HTR3A: variants seen among roughly 807,000 people sequenced by gnomAD.
The protein encoded by HTR3A is 5-hydroxytryptamine (serotonin) receptor 3A, ionotropic.
In HTR3A, 45 loss-of-function variants were observed where a neutral mutation model predicts 54.8. That is an observed-to-expected ratio of 0.82 (90% CI 0.65 to 1.05). The LOEUF (loss-of-function observed/expected upper bound fraction) is 1.05, where lower values mean the gene tolerates loss of function less well. Ranked by LOEUF, HTR3A falls within the 50% of genes least tolerant of loss-of-function variation. The pLI, the probability that HTR3A is intolerant of heterozygous loss-of-function variation, is 0.00. For synonymous variants in HTR3A, 297 were observed against 256.0 expected (o/e 1.16, Z -1.53); for missense variants, 657 against 614.0 (o/e 1.07, Z -0.74).
In HTR3A at chr11:113,989,407, A is replaced by G. The variant is rs1195354113; in HGVS notation, c.1139-58A>G. On this transcript the variant is annotated intron_variant, in intron 8 of 8. Transcript: ENST00000504030. The surrounding 1 kb of genome is among the most constrained non-coding windows in gnomAD (Gnocchi z 4.4). The stretch of plus-strand genomic sequence containing the variant: ...ACAGGCTATAGAAGCATAAGGAACC[A>G]TGTTCAGGTCACCACCCGGGGTCTC... 2 of 1,590,924 alleles carry G rather than the reference A, an allele frequency of 1.3e-6. No individual in the cohort carries two copies. Among genetic ancestry groups the G allele is most frequent in the Non-Finnish European group, 1.7e-6 (2 of 1,160,488 alleles).
At position 113,989,833 on chromosome 11, in the gene HTR3A, C is replaced by A. The variant is rs62625042; in HGVS notation, c.*70C>A. 5.0e-4 allele frequency: 756 copies of A among 1,517,308 alleles called. 1 individual carries two copies. Among genetic ancestry groups the A allele is most frequent in the Non-Finnish European group, 6.5e-4 (714 of 1,105,008 alleles). 94.0% of individuals were successfully genotyped at this position (1,517,308 alleles called of 1,614,324 possible). ...GGGGACAGAGGATTTCTGCTTAGGCCCCTCAGGACCCAGGGAATGCCAGGG... is the reference window on the plus strand; with the variant it reads ...GGGGACAGAGGATTTCTGCTTAGGCACCTCAGGACCCAGGGAATGCCAGGG... On this transcript the variant is annotated 3_prime_UTR_variant, in exon 9 of 9. Transcript: ENST00000504030. This position sits in a 1 kb window ranked among gnomAD's most constrained non-coding sequence, Gnocchi z 4.4.
chr11:113,983,881 G>A (rs887725995), intron 5 of HTR3A, among the ~76,000 whole-genome samples: 1 of 152,096 alleles, frequency 6.6e-6, no homozygotes, highest in Non-Finnish European at 1.5e-5. Flanking sequence ...AGTAAAATGC[G>A]AATCTGACCG....
chr11:113,986,118 C>T lies in HTR3A; in HGVS notation c.648C>T (p.Pro216=). ...AGTGGGAGTTGCTGGGGGTGCTGCC[C>T]TACTTTCGGGAGTTCAGCATGGAAA... is the stretch of plus-strand genomic sequence containing the variant. ...QGEWELLGVL[P]YFREFSMESS... The change falls in exon 6 of 9, where the codon CCC becomes CCT. Residue 216 remains proline, a synonymous_variant. Coordinates refer to ENST00000504030, the MANE Select transcript of HTR3A (RefSeq NM_000869.6). The T allele has an allele frequency of 1.2e-6, 2 of 1,614,132 alleles. No individual in the cohort carries two copies. The highest frequency in any genetic ancestry group is 1.7e-6 in the Non-Finnish European group (2 of 1,180,044).
At chr11:113,976,604 TGTGTGTG>T (rs776463773) in intron 1 of HTR3A, among the ~76,000 whole-genome samples, 23 of 147,944 alleles carry the variant, frequency 1.6e-4, no homozygotes, top group Non-Finnish European at 3.0e-4. Context: ...TGTGTGTGTG[TGTGTGTG>T]TGTTCTCTCT....
chr11:113,988,347 A>G (rs1020906320), intron 8 of HTR3A, among the ~76,000 whole-genome samples: 2 of 152,246 alleles, frequency 1.3e-5, no homozygotes, highest in African/African-American at 4.8e-5. Flanking sequence ...ATAGAGCAGA[A>G]GTAGCAGTGG....
intron 4 of HTR3A, among the ~76,000 whole-genome samples, chr11:113,982,500 G>A (rs766133169): frequency 7.2e-5 from 11 of 152,198 alleles, no homozygotes; most frequent in Non-Finnish European, 2.9e-5. Context: ...AGAAGGCTGA[G>A]GGCTCAGCCT....
In HTR3A at chr11:113,978,263, A is replaced by G. The variant is rs544219221; in HGVS notation, c.219+341A>G. Among the ~76,000 whole-genome samples, 6 of 152,296 alleles carry G rather than the reference A, an allele frequency of 3.9e-5. No individual in the cohort carries two copies. The South Asian group carries it at 1.2e-3, about 32-fold the overall frequency. On this transcript the variant is annotated intron_variant, in intron 2 of 8. Transcript: ENST00000504030. ...TCTCTATGCTCCCAGTGCCTTACACACATCCCTGGTACCTGGCAGGTGTCA... is the reference window on the plus strand; with the variant it reads ...TCTCTATGCTCCCAGTGCCTTACACGCATCCCTGGTACCTGGCAGGTGTCA...
chr11:113,975,245 T>A lies in HTR3A; in HGVS notation c.-81T>A, dbSNP rs1351464646. On this transcript the variant is annotated 5_prime_UTR_variant, in exon 1 of 9. It adds an upstream start codon to the 5' untranslated region. Coordinates refer to ENST00000504030, the MANE Select transcript of HTR3A (RefSeq NM_000869.6). ...GAGGCAGGCTGGCTGGGACATGAGG[T>A]TGGCAGAGGGCAGGCAAGCTGGCCC... 8.0e-6 allele frequency: 11 copies of A among 1,383,332 alleles called. No homozygotes were observed. Among genetic ancestry groups the A allele is most frequent in the Admixed American group, 3.6e-5 (2 of 54,956 alleles). The allele number at this position is 1,383,332 out of a possible 1,614,324, so 85.7% of individuals were successfully genotyped here.
rs994610405 is a variant in HTR3A, at chr11:113,977,768, C to T, written c.68-3C>T. ...GTCTACTTTGAACTGTTCTCCTTCC[C>T]AGCCAGGAGGAGCCGAAACACCACC... On this transcript the variant is annotated splice_region_variant and splice_polypyrimidine_tract_variant and intron_variant, in intron 1 of 8. Coordinates refer to ENST00000504030, the MANE Select transcript of HTR3A (RefSeq NM_000869.6). 1.9e-6 allele frequency: 3 copies of T among 1,613,992 alleles called. No individual in the cohort carries two copies. The highest frequency in any genetic ancestry group is 2.5e-6 in the Non-Finnish European group (3 of 1,179,964).
At chr11:113,982,115 C>T (rs1467497293) in intron 4 of HTR3A, among the ~76,000 whole-genome samples, 1 of 152,194 alleles carries the variant, frequency 6.6e-6, no homozygotes, top group Non-Finnish European at 1.5e-5. Context: ...GTGGGTTCCA[C>T]CAGGCTTTAC....
chr11:113,989,964 A>G lies in HTR3A; in HGVS notation c.*201A>G, dbSNP rs1474774695. The G allele has an allele frequency of 1.4e-6, 1 of 713,964 alleles. No homozygotes were observed. The highest frequency in any genetic ancestry group is 1.5e-5 in the South Asian group (1 of 67,074). The allele number at this position is 713,964 out of a possible 1,614,324, so 44.2% of individuals were successfully genotyped here. A position where few individuals can be genotyped will look rare whatever the true frequency, so the allele number is the denominator to read the frequency against. ...CCCTTCCACCAAAAACTGGGTGTTC[A>G]AGGCCCTTACACCCTTGTCCCACCC... On this transcript the variant is annotated 3_prime_UTR_variant, in exon 9 of 9. Transcript: ENST00000504030. The surrounding 1 kb of genome is among the most constrained non-coding windows in gnomAD (Gnocchi z 4.4).
chr11:113,988,968 G>T (rs532907635), intron 8 of HTR3A, among the ~76,000 whole-genome samples: 1 of 152,166 alleles, frequency 6.6e-6, no homozygotes, highest in African/African-American at 2.4e-5. Flanking sequence ...TGTGTGTAAG[G>T]AGGGGTATAC....
At chr11:113,981,374 CAG>C in intron 4 of HTR3A, 62 bp downstream of exon 4, 1 of 975,482 alleles carries the variant, frequency 1.0e-6, no homozygotes, top group Non-Finnish European at 1.7e-6. Flanking sequence ...AGCCCGGGGA[CAG>C]AGAGACAAGA....
Position 113,975,286 on chromosome 11 carries a change from C to T in HTR3A, c.-40C>T, listed in dbSNP as rs1454919653. On this transcript the variant is annotated 5_prime_UTR_variant, in exon 1 of 9. Coordinates refer to ENST00000504030, the MANE Select transcript of HTR3A (RefSeq NM_000869.6). ...AAGCTGGCCCTTGGTGGGCCTCGTC[C>T]TGAGCACTCGGAGGCACTCCTATGC... 3.7e-6 allele frequency: 6 copies of T among 1,610,452 alleles called. No individual in the cohort carries two copies. The highest frequency in any genetic ancestry group is 5.1e-6 in the Non-Finnish European group (6 of 1,178,310).
At chr11:113,983,984 T>G (rs946252235) in intron 5 of HTR3A, among the ~76,000 whole-genome samples, 1 of 152,214 alleles carries the variant, frequency 6.6e-6, no homozygotes, top group African/African-American at 2.4e-5. Flanking sequence ...TCCAGGCTCA[T>G]CTGCTCCTCT....
intron 3 of HTR3A, among the ~76,000 whole-genome samples, chr11:113,979,945 C>T (rs1263959525): frequency 6.6e-6 from 1 of 152,168 alleles, no homozygotes; most frequent in East Asian, 1.9e-4. Context: ...GCCCAAGAGG[C>T]TCTGGGGACA....
In HTR3A at chr11:113,989,380, T is replaced by C; in HGVS notation, c.1139-85T>C. Reference sequence around the variant, plus strand: ...AAAAAAAGTTATTCCCAACAAAAATTTACAGGCTATAGAAGCATAAGGAAC... The same window carrying C: ...AAAAAAAGTTATTCCCAACAAAAATCTACAGGCTATAGAAGCATAAGGAAC... On this transcript the variant is annotated intron_variant, in intron 8 of 8. Transcript: ENST00000504030. The surrounding 1 kb of genome is among the most constrained non-coding windows in gnomAD (Gnocchi z 4.4). 1 of 1,500,662 alleles carries C rather than the reference T, an allele frequency of 6.7e-7. No homozygotes were observed. The highest frequency in any genetic ancestry group is 1.4e-5 in the African/African-American group (1 of 72,644). The allele number at this position is 1,500,662 out of a possible 1,614,324, so 93.0% of individuals were successfully genotyped here.
Position 113,976,217 on chromosome 11 carries a change from T to C in HTR3A, c.67+825T>C, listed in dbSNP as rs143582262. Among the ~76,000 whole-genome samples the C allele has an allele frequency of 4.2e-4, 64 of 152,100 alleles. No homozygotes were observed. The East Asian group carries it at 9.1e-3, about 22-fold the overall frequency. ...GGAGCGGTCGTTTGGGAGTGCTCCG[T>C]GGGTTAAGCAAACGCAAGCTGTAAG... On this transcript the variant is annotated intron_variant, in intron 1 of 8. Transcript: ENST00000504030.
At position 113,986,077 on chromosome 11, in the gene HTR3A, T is replaced by A; in HGVS notation, c.607T>A (p.Phe203Ile). 1 of 1,614,198 alleles carries A rather than the reference T, an allele frequency of 6.2e-7. No homozygotes were observed. The highest frequency in any genetic ancestry group is 8.5e-7 in the Non-Finnish European group (1 of 1,180,036). ...AAAGGTGAAATCCGACAGGAGTGTC[T>A]TCATGAACCAGGGAGAGTGGGAGTT... ...PEKVKSDRSVFMNQGEWELLG... is the reference protein window; with the variant it reads ...PEKVKSDRSVIMNQGEWELLG... The change falls in exon 6 of 9, where the codon TTC (phenylalanine) becomes ATC (isoleucine). Residue 203 changes from phenylalanine (F) to isoleucine (I), a missense_variant. Physicochemically the swap from Phe to Ile is conservative, Grantham distance 21 (BLOSUM62 0). Transcript: ENST00000504030.
Sources: gnomAD v4.1 joint callset for allele counts (sites outside exome capture counted in the v4.1 genomes callset) on GRCh38, gnomAD v4.1.1 for gene constraint, Gnocchi (gnomAD v3.1) non-coding constraint, MANE v1.5 for transcripts, NCBI Gene and HGNC (gene_info 2026-07-23, HGNC 2026-07-21) for gene names.